Variants in CFAP36 observed in about 807,000 individuals in gnomAD.
The protein encoded by CFAP36 is cilia and flagella associated protein 36.
In CFAP36, 37 loss-of-function variants were observed where a neutral mutation model predicts 50.5. That is an observed-to-expected ratio of 0.73 (90% CI 0.56 to 0.96). CFAP36 has a LOEUF of 0.96. Among genes scored for constraint, CFAP36 ranks in the 50% least tolerant of loss-of-function variants. CFAP36 has a pLI of 0.00. For synonymous variants in CFAP36, 138 were observed against 128.2 expected (o/e 1.08, Z -0.52); for missense variants, 407 against 396.2 (o/e 1.03, Z -0.23).
rs1293116957 is a variant in CFAP36, at chr2:55,520,011, CG to C, written c.115+96del. The C allele has an allele frequency of 4.5e-6, 5 of 1,113,512 alleles. No homozygotes were observed. The African/African-American group carries it at 7.7e-5, about 17-fold the overall frequency. 69.0% of individuals were successfully genotyped at this position (1,113,512 alleles called of 1,614,324 possible). ...AACCACAAGCCATCTCTCGTCTCCC[CG>C]ACCCCCTGTCTCCACCCCTGTCGCA... On this transcript the variant is annotated intron_variant, in intron 1 of 9. Coordinates refer to ENST00000349456, the MANE Select transcript of CFAP36 (RefSeq NM_080667.7).
At chr2:55,528,841 C>G (rs1311901860) in intron 3 of CFAP36, 37 bp from the exon 4 acceptor site, 3 of 1,338,138 alleles carry the variant, frequency 2.2e-6, no homozygotes, top group Non-Finnish European at 3.2e-6. Flanking sequence ...AGTTTTAAAA[C>G]TTGAATCTTC....
At chr2:55,542,141 C>T (rs1302417270) in intron 7 of CFAP36, among the ~76,000 whole-genome samples, 1 of 152,118 alleles carries the variant, frequency 6.6e-6, no homozygotes, top group Non-Finnish European at 1.5e-5. Context: ...TTATATACAC[C>T]TAAGTACATA....
Position 55,535,754 on chromosome 2 carries a change from G to A in CFAP36, c.528G>A (p.Arg176=). ...EEYDQEEERK[R]KKQLSEAKTE... ...ATGACCAGGAAGAAGAAAGGAAGAG[G>A]AAAAAACAGGTGCCTACAGAACATA... Residue 176 remains arginine (R), a synonymous_variant, in exon 6 of 10, where the codon AGG becomes AGA. Coordinates refer to ENST00000349456, the MANE Select transcript of CFAP36 (RefSeq NM_080667.7). The A allele has an allele frequency of 1.3e-6, 2 of 1,551,664 alleles. No homozygotes were observed. Among genetic ancestry groups the A allele is most frequent in the African/African-American group, 1.4e-5 (1 of 70,908 alleles).
intron 3 of CFAP36, among the ~76,000 whole-genome samples, chr2:55,524,693 G>A (rs1200383873): frequency 6.6e-6 from 1 of 151,936 alleles, no homozygotes; most frequent in Non-Finnish European, 1.5e-5. Context: ...TAGAAATGAG[G>A]AAACCAGGCC....
chr2:55,528,618 A>G (rs939357534), intron 3 of CFAP36, among the ~76,000 whole-genome samples: 2 of 151,394 alleles, frequency 1.3e-5, no homozygotes, highest in Non-Finnish European at 2.9e-5. Context: ...CTAATCTTGA[A>G]CTCCTGACCT....
At chr2:55,520,611 C>T in intron 1 of CFAP36, 1 of 640,462 alleles carries the variant, frequency 1.6e-6, no homozygotes, top group Non-Finnish European at 2.5e-6. Flanking sequence ...CTGAGCAGTT[C>T]TTCAGGCTTG....
intron 5 of CFAP36, among the ~76,000 whole-genome samples, chr2:55,535,288 T>G (rs1443418495): frequency 1.3e-5 from 2 of 152,210 alleles, no homozygotes; most frequent in African/African-American, 4.8e-5. Flanking sequence ...AAGTGCTTGA[T>G]GATAGCTCAG....
intron 7 of CFAP36, among the ~76,000 whole-genome samples, chr2:55,543,063 TA>T (rs1412333432): frequency 1.7e-4 from 4 of 23,544 alleles, no homozygotes; most frequent in Admixed American, 4.6e-4. Flanking sequence ...GCTGGCAAGG[TA>T]TTTTTTTTTT....
chr2:55,537,422 A>G lies in CFAP36; in HGVS notation c.538-61A>G. On this transcript the variant is annotated intron_variant, in intron 6 of 9. Transcript: ENST00000349456. Reference sequence around the variant, plus strand: ...TATCTTTGGATCCTTTAGGTAGTGAATTAGTTAAAATGAATCTAAATTGTG... The same window carrying G: ...TATCTTTGGATCCTTTAGGTAGTGAGTTAGTTAAAATGAATCTAAATTGTG... 4 of 1,114,580 alleles carry G rather than the reference A, an allele frequency of 3.6e-6. No homozygotes were observed. The South Asian group carries it at 5.6e-5, about 16-fold the overall frequency. 69.0% of individuals were successfully genotyped at this position (1,114,580 alleles called of 1,614,324 possible).
chr2:55,535,603 C>T lies in CFAP36; in HGVS notation c.486-109C>T, dbSNP rs1684460106. 3.7e-6 allele frequency: 3 copies of T among 802,424 alleles called. No individual in the cohort carries two copies. In the South Asian group the frequency reaches 6.3e-5, roughly 17 times the overall value. 49.7% of individuals were successfully genotyped at this position (802,424 alleles called of 1,614,324 possible). A position where few individuals can be genotyped will look rare whatever the true frequency, so the allele number is the denominator to read the frequency against. On this transcript the variant is annotated intron_variant, in intron 5 of 9. Transcript: ENST00000349456. ...GCTTGATTATCTTCCATCTTTGTGTCTAATGTGCCTTTTATTGTAAGCTTA... is the reference window on the plus strand; with the variant it reads ...GCTTGATTATCTTCCATCTTTGTGTTTAATGTGCCTTTTATTGTAAGCTTA...
At chr2:55,526,506 G>A (rs924469653) in intron 3 of CFAP36, among the ~76,000 whole-genome samples, 8 of 152,128 alleles carry the variant, frequency 5.3e-5, no homozygotes, top group South Asian at 2.1e-4. Context: ...CAGTCGCTCA[G>A]TCATAGTTCT....
intron 7 of CFAP36, chr2:55,538,879 GAAC>G (rs1684562417): frequency 6.7e-7 from 1 of 1,486,040 alleles, no homozygotes; most frequent in Non-Finnish European, 8.9e-7. Flanking sequence ...TAGTTTAGAA[GAAC>G]TTCTATAATT....
At chr2:55,526,976 T>C (rs558258585) in intron 3 of CFAP36, among the ~76,000 whole-genome samples, 40 of 152,094 alleles carry the variant, frequency 2.6e-4, no homozygotes, top group African/African-American at 8.9e-4. Flanking sequence ...TGCAGTGAGC[T>C]ATGACTGTAC....
chr2:55,534,349 G>A (rs537105775), intron 5 of CFAP36, among the ~76,000 whole-genome samples: 1 of 152,328 alleles, frequency 6.6e-6, no homozygotes, highest in Non-Finnish European at 1.5e-5. Context: ...CATGGTAGGA[G>A]GCTGGGCATC....
Position 55,528,981 on chromosome 2 carries a change from A to G in CFAP36, c.386A>G (p.Gln129Arg), listed in dbSNP as rs757072844. The G allele has an allele frequency of 1.2e-6, 2 of 1,603,748 alleles. No individual in the cohort carries two copies. Among genetic ancestry groups the G allele is most frequent in the Non-Finnish European group, 8.5e-7 (1 of 1,174,994 alleles). ...CAGCTGCAAGCCATTCGAATAATTC[A>G]AGAGAGAAATGGTAAAATGTTGAAG... ...EMQLQAIRII[Q>R]ERNGVLPDCL... The change falls in exon 4 of 10, where the codon CAA becomes CGA. Residue 129 changes from glutamine to arginine, a missense_variant. By Grantham distance (43) the Gln-to-Arg change is conservative. Coordinates refer to ENST00000349456, the MANE Select transcript of CFAP36 (RefSeq NM_080667.7).
intron 7 of CFAP36, chr2:55,538,871 G>A (rs1486025751): frequency 6.7e-7 from 1 of 1,486,536 alleles, no homozygotes; most frequent in Admixed American, 2.7e-5. Context: ...CTAAACCTTA[G>A]TTTAGAAGAA....
At chr2:55,533,472 G>A (rs991932188) in intron 4 of CFAP36, among the ~76,000 whole-genome samples, 1 of 152,060 alleles carries the variant, frequency 6.6e-6, no homozygotes, top group Admixed American at 6.6e-5. Flanking sequence ...GGTAGGCCGA[G>A]GGGGGCAGAT....
Position 55,544,038 on chromosome 2 carries a change from T to C in CFAP36, c.741T>C (p.Pro247=). ...TCCCACAAAAAGACCTGAAGATTCC[T>C]GGCTTAGAGCATGCGAGCATTGAAG... ...SSLPQKDLKI[P]GLEHASIEGP... Residue 247 remains proline (P), a synonymous_variant, in exon 8 of 10, where the codon CCT becomes CCC. Coordinates refer to ENST00000349456, the MANE Select transcript of CFAP36 (RefSeq NM_080667.7). 1.2e-6 allele frequency: 2 copies of C among 1,614,040 alleles called. No individual in the cohort carries two copies. Among genetic ancestry groups the C allele is most frequent in the Admixed American group, 3.3e-5 (2 of 59,990 alleles).
chr2:55,535,912 A>G (rs1684470976), intron 6 of CFAP36, 149 bp downstream of exon 6: 1 of 1,368,054 alleles, frequency 7.3e-7, no homozygotes, highest in Non-Finnish European at 9.6e-7. Flanking sequence ...TAATATATCA[A>G]TAATTCTATG....
Sources: gnomAD v4.1 joint callset for allele counts (sites outside exome capture counted in the v4.1 genomes callset) on GRCh38, gnomAD v4.1.1 for gene constraint, MANE v1.5 for transcripts, NCBI Gene and HGNC (gene_info 2026-07-23, HGNC 2026-07-21) for gene names.